The following KCNH7 variants were observed in gnomAD, a reference collection of about 807,000 sequenced individuals.
KCNH7 encodes voltage-gated inwardly rectifying potassium channel KCNH7.
In KCNH7, 49 loss-of-function variants were observed where a neutral mutation model predicts 120.8. The ratio of observed to expected loss-of-function variants is 0.41; its 90% CI spans 0.32 to 0.51. The LOEUF (loss-of-function observed/expected upper bound fraction) is 0.51. Among genes scored for constraint, KCNH7 ranks in the 20% least tolerant of loss-of-function variants. The pLI, the probability that KCNH7 is intolerant of heterozygous loss-of-function variation, is 0.38. For synonymous variants in KCNH7, 547 were observed against 516.1 expected, an observed-to-expected ratio of 1.06 and a Z score of -0.81; for missense variants, 1,097 against 1,446.6, an observed-to-expected ratio of 0.76 and a Z score of 3.92.
intron 6 of KCNH7, among the ~76,000 whole-genome samples, chr2:162,460,099 A>C (rs1301797768): frequency 6.6e-6 from 1 of 151,422 alleles, no homozygotes; most frequent in Non-Finnish European, 1.5e-5. Context: ...ATCTCAAAAA[A>C]AAAAAAAAAA....
At chr2:162,804,501 A>G (rs12622595) in intron 2 of KCNH7, among the ~76,000 whole-genome samples, 44,837 of 151,736 alleles carry the variant, frequency 0.3, 6,733 homozygotes, top group Admixed American at 0.32. Flanking sequence ...ACAAAACAAA[A>G]TAAACAAACA....
rs370153891 is a variant in KCNH7 at position 162,384,630 on chromosome 2, G to A, written c.2962+58C>T. ...CAGTACAGTTCTTAATTTGTAAAAAGTCACCATTTTGTGATTAGCACTGAA... is the reference window on the plus strand; with the variant it reads ...CAGTACAGTTCTTAATTTGTAAAAAATCACCATTTTGTGATTAGCACTGAA... On this transcript the variant is annotated intron_variant, in intron 13 of 15. Coordinates refer to ENST00000332142, the MANE Select transcript of KCNH7 (RefSeq NM_033272.4). The A allele has an allele frequency of 2.4e-5, 37 of 1,529,170 alleles. No individual in the cohort carries two copies. In the African/African-American group the frequency reaches 3.9e-4, roughly 16 times the overall value. 94.7% of individuals were successfully genotyped at this position (1,529,170 alleles called of 1,614,324 possible).
chr2:162,838,259 A>T (rs1013293141), intron 1 of KCNH7, among the ~76,000 whole-genome samples, 184 bp downstream of exon 1: 2 of 152,208 alleles, frequency 1.3e-5, no homozygotes, highest in African/African-American at 2.4e-5. Context: ...GTAATCTAAA[A>T]TGTAAATCAA....
At chr2:162,624,659 T>C (rs1683482173) in intron 2 of KCNH7, among the ~76,000 whole-genome samples, 1 of 152,130 alleles carries the variant, frequency 6.6e-6, no homozygotes, top group Admixed American at 6.5e-5. Flanking sequence ...AGCTATATCA[T>C]CTGCGATTTT....
At chr2:162,587,534 TATA>T (rs1225647162) in intron 2 of KCNH7, among the ~76,000 whole-genome samples, 2 of 152,044 alleles carry the variant, frequency 1.3e-5, no homozygotes, top group African/African-American at 4.8e-5. Flanking sequence ...TTTAAAAAAA[TATA>T]AGATAGCAGA....
chr2:162,372,108 G>T lies in KCNH7; in HGVS notation c.3325-13C>A. On this transcript the variant is annotated splice_polypyrimidine_tract_variant and intron_variant, in intron 15 of 15. Transcript: ENST00000332142. The stretch of plus-strand genomic sequence containing the variant: ...GAAATTCAGGACACTGATGGAAAAA[G>T]AACAAAACAAGTTTTTATAATTCAC... The T allele has an allele frequency of 2.5e-6, 4 of 1,592,624 alleles. No individual in the cohort carries two copies. Among genetic ancestry groups the T allele is most frequent in the Non-Finnish European group, 3.4e-6 (4 of 1,165,404 alleles).
At chr2:162,804,084 C>T (rs893863056) in intron 2 of KCNH7, among the ~76,000 whole-genome samples, 2 of 151,790 alleles carry the variant, frequency 1.3e-5, no homozygotes, top group African/African-American at 4.8e-5. Flanking sequence ...TTAAGTATAT[C>T]TAAATTCACA....
At chr2:162,546,101 C>T (rs547375815) in intron 2 of KCNH7, among the ~76,000 whole-genome samples, 5 of 152,292 alleles carry the variant, frequency 3.3e-5, no homozygotes, top group African/African-American at 1.2e-4. Context: ...AAATCAGAGG[C>T]AGTCTCTTAA....
intron 2 of KCNH7, among the ~76,000 whole-genome samples, chr2:162,827,595 A>G (rs1027879526): frequency 2.0e-5 from 3 of 152,138 alleles, no homozygotes; most frequent in African/African-American, 7.2e-5. Flanking sequence ...TCACTCTTTG[A>G]TGTGAATTAA....
chr2:162,646,652 T>G (rs1684368974), intron 2 of KCNH7, among the ~76,000 whole-genome samples: 1 of 152,328 alleles, frequency 6.6e-6, no homozygotes, highest in East Asian at 1.9e-4. Flanking sequence ...AAGGACTTGA[T>G]GAGCTGTTTC....
At chr2:162,467,886 T>TG in intron 6 of KCNH7, among the ~76,000 whole-genome samples, 1 of 152,320 alleles carries the variant, frequency 6.6e-6, no homozygotes, top group African/African-American at 2.4e-5. Flanking sequence ...GATTCACAGA[T>TG]GGCACCTTCT....
chr2:162,471,923 A>C (rs1310822553), intron 6 of KCNH7, among the ~76,000 whole-genome samples: 1 of 152,222 alleles, frequency 6.6e-6, no homozygotes, highest in East Asian at 1.9e-4. Context: ...GAGCCCTCAG[A>C]AATAATACCA....
intron 2 of KCNH7, among the ~76,000 whole-genome samples, chr2:162,750,894 T>C (rs942453525): frequency 1.3e-5 from 2 of 152,168 alleles, no homozygotes; most frequent in Non-Finnish European, 1.5e-5. Flanking sequence ...TATCTGTTCT[T>C]CATTTTTCAT....
intron 2 of KCNH7, among the ~76,000 whole-genome samples, chr2:162,774,940 CTT>C (rs999525236): frequency 7.2e-5 from 11 of 152,148 alleles, no homozygotes; most frequent in African/African-American, 2.6e-4. Flanking sequence ...CAATCTGTAA[CTT>C]AATATTCTCT....
intron 6 of KCNH7, among the ~76,000 whole-genome samples, chr2:162,475,636 T>C (rs1279745507): frequency 6.6e-6 from 1 of 152,194 alleles, no homozygotes; most frequent in East Asian, 1.9e-4. Flanking sequence ...TTTCACGATA[T>C]AGGATATTTA....
At chr2:162,772,110 A>G (rs1479136697) in intron 2 of KCNH7, 1 of 152,176 alleles carries the variant, frequency 6.6e-6, no homozygotes, top group Non-Finnish European at 1.5e-5. Flanking sequence ...ACATTTTGTT[A>G]TATAAGATGA....
At chr2:162,712,364 C>G (rs1686958090) in intron 2 of KCNH7, among the ~76,000 whole-genome samples, 1 of 152,092 alleles carries the variant, frequency 6.6e-6, no homozygotes, top group Non-Finnish European at 1.5e-5. Context: ...TCCATCTCTA[C>G]CTAACTCAAT....
intron 2 of KCNH7, among the ~76,000 whole-genome samples, chr2:162,717,879 G>T (rs1031888511): frequency 1.3e-5 from 2 of 151,960 alleles, no homozygotes; most frequent in African/African-American, 4.8e-5. Flanking sequence ...TTCCTTAGCT[G>T]ACATCTAGAA....
At chr2:162,812,457 C>A (rs1684764521) in intron 2 of KCNH7, among the ~76,000 whole-genome samples, 1 of 151,870 alleles carries the variant, frequency 6.6e-6, no homozygotes, top group African/African-American at 2.4e-5. Context: ...CTTTTCAGAG[C>A]ACAAACCCAC....
Sources: allele counts gnomAD v4.1 joint callset (sites outside exome capture counted in the v4.1 genomes callset), GRCh38; gene constraint gnomAD v4.1.1; transcripts MANE v1.5; gene names NCBI Gene and HGNC (gene_info 2026-07-23, HGNC 2026-07-21).